The following CRPPA variants were observed in gnomAD, a reference collection of about 807,000 sequenced individuals.
CRPPA encodes D-ribitol-5-phosphate cytidylyltransferase.
A neutral mutation model predicts 52.0 loss-of-function variants in CRPPA; 43 were observed. That is an observed-to-expected ratio of 0.83 (90% CI 0.65 to 1.07). The LOEUF is 1.07. CRPPA is among the 50% of genes least tolerant of loss of function. The pLI, the probability that CRPPA is intolerant of heterozygous loss-of-function variation, is 0.00. For missense variants in CRPPA, 629 were observed against 551.7 expected (o/e 1.14, Z -1.40); for synonymous variants, 250 against 203.5 (o/e 1.23, Z -1.94).
In CRPPA at chr7:16,278,205, C is replaced by G. The variant is rs762153321; in HGVS notation, c.857G>C (p.Cys286Ser). The G allele has an allele frequency of 6.4e-6, 10 of 1,555,898 alleles. No homozygotes were observed. The East Asian group carries it at 2.0e-4, about 31-fold the overall frequency. Residue 286 changes from cysteine to serine, a missense_variant, in exon 6 of 10, where the codon TGT becomes TCT. Cys to Ser is a moderately radical substitution (Grantham distance 112). Coordinates refer to ENST00000407010, the MANE Select transcript of CRPPA (RefSeq NM_001101426.4). ...IIKERISQEI[C>S]VVMDTEEDNK... ...ATCTTCTTCTGTATCCATAACTACACAAATCTCTTGGGAAATTCTCTCTGA... is the reference window on the plus strand; with the variant it reads ...ATCTTCTTCTGTATCCATAACTACAGAAATCTCTTGGGAAATTCTCTCTGA...
chr7:16,246,221 C>T (rs1029719938), intron 8 of CRPPA, among the ~76,000 whole-genome samples: 27 of 152,098 alleles, frequency 1.8e-4, no homozygotes, highest in African/African-American at 2.7e-4. Context: ...TATCTTCACC[C>T]GAAGTAGATT....
chr7:16,416,356 A>C (rs1788192999), intron 1 of CRPPA, among the ~76,000 whole-genome samples: 1 of 152,178 alleles, frequency 6.6e-6, no homozygotes, highest in Non-Finnish European at 1.5e-5. Context: ...CTCACCATAC[A>C]CAAAAATTAA....
Position 16,396,902 on chromosome 7 carries a change from G to A in CRPPA, c.534+9159C>T, listed in dbSNP as rs117778106. 1.6e-4 allele frequency among the ~76,000 whole-genome samples: 24 copies of A among 152,332 alleles called. No individual in the cohort carries two copies. The East Asian group carries it at 3.9e-3, about 24-fold the overall frequency. On this transcript the variant is annotated intron_variant, in intron 2 of 9. Coordinates refer to ENST00000407010, the MANE Select transcript of CRPPA (RefSeq NM_001101426.4). ...CACATGTGACAAAAATGTGACACAT[G>A]TGTGAAAGACAAATGTGACATGTGT...
At chr7:16,381,679 A>T (rs1787093211) in intron 2 of CRPPA, among the ~76,000 whole-genome samples, 1 of 151,760 alleles carries the variant, frequency 6.6e-6, no homozygotes. Flanking sequence ...GTGCTCCTGT[A>T]TTGGGTGCAT....
intron 9 of CRPPA, among the ~76,000 whole-genome samples, chr7:16,105,581 T>G (rs947573375): frequency 6.6e-6 from 1 of 152,196 alleles, no homozygotes; most frequent in African/African-American, 2.4e-5. Flanking sequence ...CTAGTGATCA[T>G]GTCACAGATC....
In CRPPA at chr7:16,258,903, C is replaced by T. The variant is rs781644120; in HGVS notation, c.1026+17G>A. ...GTTCATATCCTTAAGTGCCTTCAAT[C>T]ATTTGAATTGACTTACATTCACACA... On this transcript the variant is annotated intron_variant, in intron 7 of 9. Coordinates refer to ENST00000407010, the MANE Select transcript of CRPPA (RefSeq NM_001101426.4). 61 of 1,548,452 alleles carry T rather than the reference C, an allele frequency of 3.9e-5. No individual in the cohort carries two copies. The East Asian group carries it at 1.3e-3, about 33-fold the overall frequency.
intron 3 of CRPPA, among the ~76,000 whole-genome samples, chr7:16,346,035 A>G (rs1427273136): frequency 2.0e-5 from 3 of 152,182 alleles, no homozygotes; most frequent in Non-Finnish European, 4.4e-5. Flanking sequence ...ATACACCAAA[A>G]TCAGACACAC....
At chr7:16,372,923 G>C (rs865861809) in intron 3 of CRPPA, among the ~76,000 whole-genome samples, 1 of 152,234 alleles carries the variant, frequency 6.6e-6, no homozygotes, top group Admixed American at 6.5e-5. Context: ...ATACATGATA[G>C]ATGCTGCTAC....
At chr7:16,278,043 A>G in intron 6 of CRPPA, 86 bp downstream of exon 6, 1 of 720,154 alleles carries the variant, frequency 1.4e-6, no homozygotes, top group Non-Finnish European at 2.4e-6. Context: ...AGGGATTTTT[A>G]TGGGTTTTTT....
intron 2 of CRPPA, among the ~76,000 whole-genome samples, chr7:16,381,286 T>C (rs1376884435): frequency 2.0e-5 from 3 of 152,178 alleles, no homozygotes; most frequent in African/African-American, 2.4e-5. Flanking sequence ...TCAGTTTCCA[T>C]GTAGTTGAGT....
chr7:16,101,600 A>C (rs1012976819), intron 9 of CRPPA, among the ~76,000 whole-genome samples: 5 of 152,120 alleles, frequency 3.3e-5, no homozygotes, highest in Middle Eastern at 3.4e-3. Flanking sequence ...TAAAAAAAAA[A>C]CAGCTCCTGG....
chr7:16,127,205 C>T (rs1782597603), intron 9 of CRPPA, among the ~76,000 whole-genome samples: 2 of 152,000 alleles, frequency 1.3e-5, no homozygotes, highest in Admixed American at 6.6e-5. Context: ...ACAACCATCC[C>T]TATGAAAACA....
chr7:16,335,882 G>A (rs750395645), intron 3 of CRPPA, among the ~76,000 whole-genome samples: 3 of 152,132 alleles, frequency 2.0e-5, no homozygotes, highest in African/African-American at 7.2e-5. Context: ...GGTAAGAAAC[G>A]TTATTCAAAG....
At chr7:16,289,659 A>G (rs181109588) in intron 5 of CRPPA, among the ~76,000 whole-genome samples, 1 of 152,240 alleles carries the variant, frequency 6.6e-6, no homozygotes. Flanking sequence ...CTCAACAAAT[A>G]AGGTATAGAG....
At chr7:16,156,743 C>T (rs1268449608) in intron 9 of CRPPA, among the ~76,000 whole-genome samples, 1 of 152,186 alleles carries the variant, frequency 6.6e-6, no homozygotes, top group African/African-American at 2.4e-5. Context: ...ATCATAATAG[C>T]ATATCTTAAG....
chr7:16,124,266 G>A (rs1473419269), intron 9 of CRPPA, among the ~76,000 whole-genome samples: 2 of 151,930 alleles, frequency 1.3e-5, no homozygotes, highest in Non-Finnish European at 2.9e-5. Context: ...ATAGCTCATT[G>A]TGGTTTAGAT....
At position 16,263,005 on chromosome 7, in the gene CRPPA, G is replaced by T. The variant is rs1053658273; in HGVS notation, c.934-3993C>A. Among the ~76,000 whole-genome samples, 3 of 152,030 alleles carry T rather than the reference G, an allele frequency of 2.0e-5. No individual in the cohort carries two copies. The East Asian group carries it at 5.8e-4, about 29-fold the overall frequency. Reference sequence around the variant, plus strand: ...TGAATGATCTTTATCATATTTACCTGGCTGTCACTACTATTTTTAAGTACT... The same window carrying T: ...TGAATGATCTTTATCATATTTACCTTGCTGTCACTACTATTTTTAAGTACT... On this transcript the variant is annotated intron_variant, in intron 6 of 9. Coordinates refer to ENST00000407010, the MANE Select transcript of CRPPA (RefSeq NM_001101426.4).
chr7:16,340,678 A>G (rs1785801537), intron 3 of CRPPA, among the ~76,000 whole-genome samples: 1 of 151,958 alleles, frequency 6.6e-6, no homozygotes, highest in Non-Finnish European at 1.5e-5. Context: ...TAGTACATCC[A>G]CTTTGGAAGA....
At chr7:16,265,996 A>G (rs1783942990) in intron 6 of CRPPA, among the ~76,000 whole-genome samples, 1 of 152,176 alleles carries the variant, frequency 6.6e-6, no homozygotes, top group Non-Finnish European at 1.5e-5. Context: ...TCTAGGTACT[A>G]TTACCTTGTC....
Sources: gnomAD v4.1 joint callset for allele counts (sites outside exome capture counted in the v4.1 genomes callset) on GRCh38, gnomAD v4.1.1 for gene constraint, MANE v1.5 for transcripts, NCBI Gene and HGNC (gene_info 2026-07-23, HGNC 2026-07-21) for gene names.